Variants in CNRIP1 observed in about 807,000 individuals in gnomAD.
CNRIP1 encodes the protein cannabinoid receptor interacting protein 1.
Under a neutral mutation model 15.2 loss-of-function variants are expected in CNRIP1, and 10 were observed. The observed-to-expected ratio is 0.66, with a 90% confidence interval of 0.41 to 1.12. The LOEUF is 1.12. Ranked by LOEUF, CNRIP1 falls within the 50% of genes most tolerant of loss-of-function variation. CNRIP1 has a pLI of 0.00. For missense variants in CNRIP1, 211 were observed against 214.7 expected (o/e 0.98, Z 0.11); for synonymous variants, 91 against 83.2 (o/e 1.09, Z -0.51).
intron 2 of CNRIP1, among the ~76,000 whole-genome samples, chr2:68,311,698 C>G (rs57733997): frequency 1.4e-5 from 2 of 144,504 alleles, no homozygotes; most frequent in Non-Finnish European, 3.0e-5. Context: ...TTGCCTGAAT[C>G]TGGGAGGCAG....
In CNRIP1 at chr2:68,317,283, A is replaced by G. The variant is rs1407170487; in HGVS notation, c.204T>C (p.Leu68=). 3 of 1,614,026 alleles carry G rather than the reference A, an allele frequency of 1.9e-6. No homozygotes were observed. In the African/African-American group the frequency reaches 4.0e-5, roughly 22 times the overall value. ...CTTTAGACTTCAGTTCCAGTGGGAC[A>G]AGCACACCACCAATGGAAATATTCC... is the stretch of plus-strand genomic sequence containing the variant. ...QVENISIGGV[L]VPLELKSKEP... Residue 68 remains leucine (L), a synonymous_variant, in exon 2 of 3, where the codon CTT becomes CTC. Coordinates refer to ENST00000263655, the MANE Select transcript of CNRIP1 (RefSeq NM_015463.3).
intron 2 of CNRIP1, 50 bp downstream of exon 2, chr2:68,317,107 G>T: frequency 6.2e-7 from 1 of 1,607,226 alleles, no homozygotes; most frequent in Non-Finnish European, 8.5e-7. Context: ...CTTTTCTGTG[G>T]TTTCCATTTT....
chr2:68,312,073 A>T lies in CNRIP1; in HGVS notation c.330+5084T>A, dbSNP rs145311299. Among the ~76,000 whole-genome samples, 602 of 152,314 alleles carry T rather than the reference A, an allele frequency of 4.0e-3. 5 individuals are homozygous for T. Among genetic ancestry groups the T allele is most frequent in the African/African-American group, 0.014 (579 of 41,566 alleles). On this transcript the variant is annotated intron_variant, in intron 2 of 2. Transcript: ENST00000263655. ...ACATTAAGAAAAATATCATTTCTAT[A>T]TAAACTCTTCCAGAAAATAGAAGAA... is the stretch of plus-strand genomic sequence containing the variant.
At chr2:68,314,927 T>C (rs1482112082) in intron 2 of CNRIP1, among the ~76,000 whole-genome samples, 1 of 152,066 alleles carries the variant, frequency 6.6e-6, no homozygotes, top group African/African-American at 2.4e-5. Flanking sequence ...AGAGTTCAGA[T>C]GAAAATACAC....
chr2:68,305,259 A>AAAATATAT (rs1267101468), intron 2 of CNRIP1, among the ~76,000 whole-genome samples: 28 of 100,356 alleles, frequency 2.8e-4, no homozygotes, highest in African/African-American at 9.8e-4. Flanking sequence ...AAAAAAAAAA[A>AAAATATAT]ATATATATAT....
Position 68,319,677 on chromosome 2 carries a change from T to C in CNRIP1, c.-277A>G, listed in dbSNP as rs377496524. 24 of 403,930 alleles carry C rather than the reference T, an allele frequency of 5.9e-5. No homozygotes were observed. Among genetic ancestry groups the C allele is most frequent in the East Asian group, 4.3e-4 (9 of 20,942 alleles). 25.0% of individuals were successfully genotyped at this position (403,930 alleles called of 1,614,324 possible). Reference sequence around the variant, plus strand: ...GCTTCCCCATCCCCCGCTCCAGTGCTGCGCCCTCCACGCACCCGAAGGCTC... The same window carrying C: ...GCTTCCCCATCCCCCGCTCCAGTGCCGCGCCCTCCACGCACCCGAAGGCTC... On this transcript the variant is annotated 5_prime_UTR_variant, in exon 1 of 3. Transcript: ENST00000263655.
chr2:68,284,936 CAT>C (rs1278916244), intron 2 of CNRIP1, among the ~76,000 whole-genome samples: 7 of 152,128 alleles, frequency 4.6e-5, no homozygotes, highest in Non-Finnish European at 8.8e-5. Context: ...CATCAAATCC[CAT>C]ATGTTTGTTT....
At chr2:68,284,617 G>A in intron 2 of CNRIP1, 1 of 505,404 alleles carries the variant, frequency 2.0e-6, no homozygotes, top group Non-Finnish European at 3.4e-6. Context: ...TTCGAGACCA[G>A]CTGACCAATA....
At chr2:68,305,917 C>A (rs1296393059) in intron 2 of CNRIP1, among the ~76,000 whole-genome samples, 1 of 151,186 alleles carries the variant, frequency 6.6e-6, no homozygotes, top group East Asian at 1.9e-4. Context: ...CCACTTGAGG[C>A]CAGGAGTTCA....
intron 2 of CNRIP1, among the ~76,000 whole-genome samples, chr2:68,306,118 C>T (rs1671831427): frequency 2.5e-5 from 1 of 40,688 alleles, no homozygotes; most frequent in Non-Finnish European, 4.4e-5. Flanking sequence ...AGAGACCCCA[C>T]CTCTACAAAA....
intron 2 of CNRIP1, among the ~76,000 whole-genome samples, chr2:68,295,453 T>C (rs1322431954): frequency 6.6e-6 from 1 of 152,200 alleles, no homozygotes; most frequent in East Asian, 1.9e-4. Flanking sequence ...AAGACCTATA[T>C]AAGCATACAG....
At chr2:68,302,228 C>T (rs371516327) in intron 2 of CNRIP1, among the ~76,000 whole-genome samples, 15 of 152,318 alleles carry the variant, frequency 9.8e-5, no homozygotes, top group African/African-American at 3.6e-4. Context: ...TATAAAGTCA[C>T]AGCTTTCACC....
At chr2:68,305,016 G>A (rs1396440107) in intron 2 of CNRIP1, among the ~76,000 whole-genome samples, 1 of 152,078 alleles carries the variant, frequency 6.6e-6, no homozygotes, top group African/African-American at 2.4e-5. Context: ...AAGCCGAGGG[G>A]TGTGGATCAC....
In CNRIP1 at chr2:68,293,709, G is replaced by A. The variant is rs1440417243; in HGVS notation, c.*153C>T. ...TATGTGAGGGATATTGTGTCAGAGG[G>A]GAATTACACTTTCAAAATAACCAGG... On this transcript the variant is annotated 3_prime_UTR_variant, in exon 3 of 3. Coordinates refer to ENST00000263655, the MANE Select transcript of CNRIP1 (RefSeq NM_015463.3). 4 of 1,412,876 alleles carry A rather than the reference G, an allele frequency of 2.8e-6. No homozygotes were observed. The highest frequency in any genetic ancestry group is 3.7e-6 in the Non-Finnish European group (4 of 1,081,590). 87.5% of individuals were successfully genotyped at this position (1,412,876 alleles called of 1,614,324 possible). A position where few individuals can be genotyped will look rare whatever the true frequency, so the allele number is the denominator to read the frequency against.
chr2:68,284,538 G>T, intron 2 of CNRIP1: 2 of 1,222,990 alleles, frequency 1.6e-6, no homozygotes, highest in Non-Finnish European at 2.3e-6. Context: ...TTGGGTAGGT[G>T]CAGTGACTCA....
chr2:68,304,961 T>G (rs1671755790), intron 2 of CNRIP1, among the ~76,000 whole-genome samples: 1 of 152,090 alleles, frequency 6.6e-6, no homozygotes, highest in African/African-American at 2.4e-5. Context: ...ATATAGACAC[T>G]GGGCCGGGTG....
At chr2:68,285,668 A>G (rs72835632) in intron 2 of CNRIP1, among the ~76,000 whole-genome samples, 265 of 124,454 alleles carry the variant, frequency 2.1e-3, no homozygotes, top group Non-Finnish European at 3.4e-3. Context: ...AAAAAAAAAA[A>G]AAAAGAAAAG....
chr2:68,308,229 A>AC (rs58383807), intron 2 of CNRIP1, among the ~76,000 whole-genome samples: 2,210 of 152,036 alleles, frequency 0.015, 62 homozygotes, highest in African/African-American at 0.049. Context: ...ACAAAACAAA[A>AC]AAAACCCCCG....
intron 2 of CNRIP1, among the ~76,000 whole-genome samples, chr2:68,304,186 C>G (rs551679728): frequency 6.7e-6 from 1 of 149,328 alleles, no homozygotes; most frequent in South Asian, 2.1e-4. Flanking sequence ...TTCAGGAGTT[C>G]AAGACCAGCC....
Sources: gnomAD v4.1 joint callset for allele counts (sites outside exome capture counted in the v4.1 genomes callset) on GRCh38, gnomAD v4.1.1 for gene constraint, MANE v1.5 for transcripts, NCBI Gene and HGNC (gene_info 2026-07-23, HGNC 2026-07-21) for gene names.